The following CLEC16A variants were observed in gnomAD, a reference collection of about 807,000 sequenced individuals.
CLEC16A encodes the protein protein CLEC16A.
In CLEC16A, 51 loss-of-function variants were observed where a neutral mutation model predicts 109.5. The observed-to-expected ratio is 0.47, with a 90% CI of 0.37 to 0.59. The LOEUF (loss-of-function observed/expected upper bound fraction) is 0.59. Ranked by LOEUF, CLEC16A falls within the 20% of genes least tolerant of loss-of-function variation. The probability of loss-of-function intolerance (pLI) is 0.00; values close to 1 mark genes in which losing one functional copy is unlikely to be tolerated. For synonymous variants in CLEC16A, 673 were observed against 564.2 expected (o/e 1.19, Z -2.73); for missense variants, 1,339 against 1,394.0 (o/e 0.96, Z 0.63).
At chr16:11,017,533 GC>G in intron 11 of CLEC16A, among the ~76,000 whole-genome samples, 1 of 152,212 alleles carries the variant, frequency 6.6e-6, no homozygotes, top group East Asian at 1.9e-4. Context: ...TCTAAGTGTG[GC>G]CTGTGTTTAC....
chr16:11,027,071 C>G (rs1449805925), intron 13 of CLEC16A: 5 of 1,552,560 alleles, frequency 3.2e-6, no homozygotes, highest in Non-Finnish European at 4.4e-6. Flanking sequence ...CAGAAAATCT[C>G]CTGAAAAAGA....
At chr16:10,951,153 AG>A in intron 1 of CLEC16A, among the ~76,000 whole-genome samples, 1 of 152,090 alleles carries the variant, frequency 6.6e-6, no homozygotes, top group East Asian at 1.9e-4. Context: ...ATGCACCTCG[AG>A]TGTGTTGGTT....
intron 19 of CLEC16A, among the ~76,000 whole-genome samples, chr16:11,112,588 G>A (rs1173561566): frequency 6.6e-6 from 1 of 152,056 alleles, no homozygotes; most frequent in Non-Finnish European, 1.5e-5. Context: ...TCGCTTGGGT[G>A]CAAGAGTTTG....
chr16:11,043,974 C>T, intron 15 of CLEC16A, 54 bp from the exon 16 acceptor site: 1 of 1,467,292 alleles, frequency 6.8e-7, no homozygotes, highest in Non-Finnish European at 9.3e-7. Flanking sequence ...GTTTGCCCGA[C>T]TTGCTCACCT....
intron 22 of CLEC16A, among the ~76,000 whole-genome samples, chr16:11,139,881 G>T (rs1456305968): frequency 6.6e-6 from 1 of 152,204 alleles, no homozygotes; most frequent in Admixed American, 6.5e-5. Flanking sequence ...CCTATTTATT[G>T]AATGCCAACT....
chr16:11,007,460 T>C (rs1375382625), intron 11 of CLEC16A, among the ~76,000 whole-genome samples: 1 of 152,224 alleles, frequency 6.6e-6, no homozygotes, highest in Non-Finnish European at 1.5e-5. Context: ...AGTTGAGATC[T>C]GAATCCCAGC....
At position 11,003,041 on chromosome 16, in the gene CLEC16A, A is replaced by C. The variant is rs764937224; in HGVS notation, c.1072-33A>C. 6 of 1,557,864 alleles carry C rather than the reference A, an allele frequency of 3.9e-6. No individual in the cohort carries two copies. In the South Asian group the frequency reaches 5.9e-5, roughly 15 times the overall value. ...GCATCCAGCAGGATTCTAGTGTTCA[A>C]ATTCACCTGTTGCCTTCGTTGGACT... is the stretch of plus-strand genomic sequence containing the variant. On this transcript the variant is annotated intron_variant, in intron 10 of 23. Transcript: ENST00000409790.
intron 12 of CLEC16A, among the ~76,000 whole-genome samples, chr16:11,022,869 A>G (rs1357265597): frequency 6.6e-6 from 1 of 150,700 alleles, no homozygotes; most frequent in African/African-American, 2.4e-5. Flanking sequence ...ACTGCACTCC[A>G]GCCTGGGCAA....
intron 10 of CLEC16A, among the ~76,000 whole-genome samples, chr16:11,002,709 CAT>C (rs1418521381): frequency 2.0e-5 from 3 of 152,164 alleles, no homozygotes; most frequent in African/African-American, 2.4e-5. Flanking sequence ...GCCATGTGCA[CAT>C]GTTATTTAGC....
At chr16:10,976,821 G>T (rs1245216597) in intron 7 of CLEC16A, among the ~76,000 whole-genome samples, 3 of 152,110 alleles carry the variant, frequency 2.0e-5, no homozygotes, top group Non-Finnish European at 2.9e-5. Context: ...GGCCACTGGG[G>T]TGGCCACGGC....
chr16:10,992,276 C>CACATCCCT (rs1555451849), intron 10 of CLEC16A, among the ~76,000 whole-genome samples: 23 of 151,808 alleles, frequency 1.5e-4, no homozygotes, highest in African/African-American at 5.1e-4. Context: ...CTTCCCCATC[C>CACATCCCT]GCATCCCTGC....
chr16:11,037,200 C>CT (rs1332707490), intron 13 of CLEC16A, among the ~76,000 whole-genome samples: 4 of 152,192 alleles, frequency 2.6e-5, no homozygotes, highest in Non-Finnish European at 4.4e-5. Context: ...AGAGGGGTGG[C>CT]TTTTGTCAGC....
intron 19 of CLEC16A, among the ~76,000 whole-genome samples, chr16:11,099,837 G>T (rs900622759): frequency 3.3e-5 from 5 of 152,162 alleles, no homozygotes; most frequent in African/African-American, 9.7e-5. Context: ...TGGGACCCAC[G>T]TGCTGTTTTC....
At position 11,047,307 on chromosome 16, in the gene CLEC16A, T is replaced by C. The variant is rs779690789; in HGVS notation, c.1831T>C (p.Leu611=). ...TTCTTTTTAGGGAGAAGACATTTTT[T>C]TGGACATGTTTGAAGATGAGTATAG... ...RHFYKGEDIF[L]DMFEDEYRSM... The change falls in exon 17 of 24, where the codon TTG becomes CTG. Residue 611 remains leucine, a synonymous_variant. Coordinates refer to ENST00000409790, the MANE Select transcript of CLEC16A (RefSeq NM_015226.3). 9 of 1,611,296 alleles carry C rather than the reference T, an allele frequency of 5.6e-6. No individual in the cohort carries two copies. In the South Asian group the frequency reaches 9.9e-5, roughly 18 times the overall value.
At chr16:11,132,234 A>ACCCC (rs71406209) in intron 22 of CLEC16A, among the ~76,000 whole-genome samples, 8 of 70,608 alleles carry the variant, frequency 1.1e-4, no homozygotes, top group African/African-American at 4.2e-4. Flanking sequence ...TCGCCCACCC[A>ACCCC]CCCCCCCCGC....
At chr16:10,972,495 T>G in intron 5 of CLEC16A, 59 bp from the exon 6 acceptor site, 1 of 1,563,348 alleles carries the variant, frequency 6.4e-7, no homozygotes, top group South Asian at 1.1e-5. Flanking sequence ...CTAACCCTGT[T>G]AACTGTTGTC....
rs190651045 is a variant in CLEC16A, at chr16:11,009,060, C to T, written c.1303+5755C>T. 2.8e-3 allele frequency among the ~76,000 whole-genome samples: 428 copies of T among 152,260 alleles called. 5 individuals carry two copies. Among genetic ancestry groups the T allele is most frequent in the Non-Finnish European group, 4.3e-3 (291 of 68,008 alleles). On this transcript the variant is annotated intron_variant, in intron 11 of 23. Coordinates refer to ENST00000409790, the MANE Select transcript of CLEC16A (RefSeq NM_015226.3). ...ATCACCACCATCTGTCTTCAGAATG[C>T]TTTTCATTTTTCATCTTGTAAAACC...
rs780853392 is a variant in CLEC16A at position 11,047,329 on chromosome 16, A to G, written c.1853A>G (p.Tyr618Cys). 7.5e-6 allele frequency: 12 copies of G among 1,610,302 alleles called. No individual in the cohort carries two copies. In the East Asian group the frequency reaches 2.0e-4, roughly 27 times the overall value. ...TTTTTGGACATGTTTGAAGATGAGT[A>G]TAGGAGCATGACAGTAAGTGAGGGG... Reference protein sequence around the residue: ...DIFLDMFEDEYRSMTMKPMNV... With the variant: ...DIFLDMFEDECRSMTMKPMNV... The change falls in exon 17 of 24, where the codon TAT becomes TGT. Residue 618 changes from tyrosine to cysteine, a missense_variant. By Grantham distance (194) the Tyr-to-Cys change is radical. Coordinates refer to ENST00000409790, the MANE Select transcript of CLEC16A (RefSeq NM_015226.3).
At chr16:11,055,575 CTTTTTTTTTTTT>C (rs71136609) in intron 18 of CLEC16A, among the ~76,000 whole-genome samples, 52 of 41,756 alleles carry the variant, frequency 1.2e-3, no homozygotes, top group South Asian at 4.5e-3. Flanking sequence ...TTCCCTCTTG[CTTTTTTTTTTTT>C]TTTTTTTTTT....
Sources: gnomAD v4.1 joint callset for allele counts (sites outside exome capture counted in the v4.1 genomes callset) on GRCh38, gnomAD v4.1.1 for gene constraint, MANE v1.5 for transcripts, NCBI Gene and HGNC (gene_info 2026-07-23, HGNC 2026-07-21) for gene names.